The following DYM variants were observed in gnomAD, a reference collection of about 807,000 sequenced individuals.
The protein encoded by DYM is dymeclin, also known as dyggve-Melchior-Clausen syndrome protein.
In DYM, 78 loss-of-function variants were observed where a neutral mutation model predicts 93.1. The ratio of observed to expected loss-of-function variants is 0.84; its 90% CI spans 0.70 to 1.01. The LOEUF (loss-of-function observed/expected upper bound fraction) is 1.01, where lower values mean the gene tolerates loss of function less well. DYM is among the 50% of genes least tolerant of loss of function. The probability of loss-of-function intolerance (pLI) is 0.00; values close to 1 mark genes in which losing one functional copy is unlikely to be tolerated. For synonymous variants in DYM, 321 were observed against 319.7 expected (o/e 1.00, Z -0.04); for missense variants, 789 against 845.0 (o/e 0.93, Z 0.82).
chr18:49,410,866 G>C (rs1457484663), intron 2 of DYM, among the ~76,000 whole-genome samples: 1 of 152,034 alleles, frequency 6.6e-6, no homozygotes, highest in Non-Finnish European at 1.5e-5. Flanking sequence ...CAAGGGAGAG[G>C]GGATTTAGAA....
In DYM at chr18:49,452,703, C is replaced by T. The variant is rs1027139960; in HGVS notation, c.-54+7695G>A. Among the ~76,000 whole-genome samples, 18 of 78,612 alleles carry T rather than the reference C, an allele frequency of 2.3e-4. 5 individuals carry two copies. Among genetic ancestry groups the T allele is most frequent in the South Asian group, 8.5e-4 (2 of 2,358 alleles). 51.6% of individuals were successfully genotyped at this position (78,612 alleles called of 152,430 possible). A position where few individuals can be genotyped will look rare whatever the true frequency, so the allele number is the denominator to read the frequency against. On this transcript the variant is annotated intron_variant, in intron 1 of 17. Coordinates refer to ENST00000675505, the MANE Select transcript of DYM (RefSeq NM_001353214.3). ...ACGAGCGCCGCTCCCTGCTCCCCAGCGCCTGGTCCCATCAACCGCCCAAGG... is the reference window on the plus strand; with the variant it reads ...ACGAGCGCCGCTCCCTGCTCCCCAGTGCCTGGTCCCATCAACCGCCCAAGG...
At chr18:49,371,215 C>G (rs530975064) in intron 5 of DYM, among the ~76,000 whole-genome samples, 1 of 152,266 alleles carries the variant, frequency 6.6e-6, no homozygotes, top group African/African-American at 2.4e-5. Context: ...TAAGATCAAA[C>G]AAGGCTAAGT....
chr18:49,220,666 A>G (rs1455707589), intron 13 of DYM, among the ~76,000 whole-genome samples: 2 of 152,202 alleles, frequency 1.3e-5, no homozygotes, highest in Non-Finnish European at 2.9e-5. Context: ...AGGATTCCCT[A>G]TTTAATAAAT....
chr18:49,306,582 A>T (rs1220529787), intron 8 of DYM, among the ~76,000 whole-genome samples: 1 of 150,552 alleles, frequency 6.6e-6, no homozygotes, highest in Non-Finnish European at 1.5e-5. Context: ...GCATGTGATT[A>T]CACCTTTTCA....
At position 49,430,289 on chromosome 18, in the gene DYM, G is replaced by C. The variant is rs373302004; in HGVS notation, c.106C>G (p.Leu36Val). The C allele has an allele frequency of 2.0e-5, 32 of 1,613,874 alleles. No individual in the cohort carries two copies. The highest frequency in any genetic ancestry group is 2.7e-5 in the African/African-American group (2 of 74,878). The change falls in exon 2 of 18, where the codon CTT (leucine) becomes GTT (valine). Residue 36 changes from leucine to valine, a missense_variant. By Grantham distance (32) the Leu-to-Val change is conservative. This residue lies in a region of DYM where 450 missense variants were observed against 436.2 expected (regional missense o/e 1.03). Transcript: ENST00000675505. ...GGTGCAGGGAAAGAAAATGAGAGAA[G>C]CTGATTCCAGAACGGGTCATTCTCA... ...ISENDPFWNQ[L>V]LSFSFPAPTS... is the part of the protein sequence containing the mutation.
intron 15 of DYM, among the ~76,000 whole-genome samples, chr18:49,163,255 G>A (rs1198701585): frequency 6.6e-6 from 1 of 152,130 alleles, no homozygotes; most frequent in Non-Finnish European, 1.5e-5. Context: ...GCATATTAGA[G>A]GTTTCTTGGG....
intron 2 of DYM, among the ~76,000 whole-genome samples, chr18:49,419,150 C>A (rs1392034763): frequency 6.6e-6 from 1 of 152,026 alleles, no homozygotes; most frequent in African/African-American, 2.4e-5. Context: ...ATCAGGAGGT[C>A]AGGAGTTCAA....
intron 13 of DYM, among the ~76,000 whole-genome samples, chr18:49,255,778 A>T (rs2145105967): frequency 6.6e-6 from 1 of 152,242 alleles, no homozygotes; most frequent in South Asian, 2.1e-4. Context: ...CTACTTGGAC[A>T]ACACTGAACA....
chr18:49,291,214 T>C lies in DYM; in HGVS notation c.764-4598A>G, dbSNP rs115224057. On this transcript the variant is annotated intron_variant, in intron 8 of 17. Coordinates refer to ENST00000675505, the MANE Select transcript of DYM (RefSeq NM_001353214.3). Reference sequence around the variant, plus strand: ...GCTTCTGTAAATAAATTATAAGCAATGTATAACAAAACAAGCAACTGAAAC... The same window carrying C: ...GCTTCTGTAAATAAATTATAAGCAACGTATAACAAAACAAGCAACTGAAAC... Among the ~76,000 whole-genome samples the C allele has an allele frequency of 3.4e-3, 521 of 152,348 alleles. 3 individuals carry two copies. Among genetic ancestry groups the C allele is most frequent in the African/African-American group, 0.012 (483 of 41,564 alleles).
intron 2 of DYM, among the ~76,000 whole-genome samples, chr18:49,408,265 G>A (rs1419045089): frequency 3.3e-5 from 5 of 152,044 alleles, no homozygotes; most frequent in East Asian, 1.9e-4. Flanking sequence ...TGTTTTTAAC[G>A]GCTATATGTT....
At chr18:49,352,947 CAT>C (rs1387235610) in intron 6 of DYM, among the ~76,000 whole-genome samples, 1 of 152,088 alleles carries the variant, frequency 6.6e-6, no homozygotes, top group Non-Finnish European at 1.5e-5. Flanking sequence ...TACAAGTACA[CAT>C]ATTGCTTTCT....
At chr18:49,437,519 T>C (rs1445229544) in intron 1 of DYM, among the ~76,000 whole-genome samples, 4 of 152,244 alleles carry the variant, frequency 2.6e-5, no homozygotes, top group South Asian at 2.1e-4. Flanking sequence ...TTATATCTTA[T>C]ACTATCACTT....
At chr18:49,228,768 C>T (rs755427271) in intron 13 of DYM, among the ~76,000 whole-genome samples, 7 of 151,936 alleles carry the variant, frequency 4.6e-5, no homozygotes, top group South Asian at 2.1e-4. Flanking sequence ...GGGTGAGGTG[C>T]AATGAAAGAG....
At chr18:49,446,438 AAGAG>A (rs202218336) in intron 1 of DYM, among the ~76,000 whole-genome samples, 1 of 152,202 alleles carries the variant, frequency 6.6e-6, no homozygotes, top group African/African-American at 2.4e-5. Flanking sequence ...CAAAATAAAT[AAGAG>A]AGAATGAGCT....
chr18:49,296,864 C>T (rs936717244), intron 8 of DYM, among the ~76,000 whole-genome samples: 1 of 152,186 alleles, frequency 6.6e-6, no homozygotes, highest in African/African-American at 2.4e-5. Flanking sequence ...TGATCATCTG[C>T]ACCACTGTCT....
At chr18:49,207,060 A>G (rs1296857781) in intron 14 of DYM, among the ~76,000 whole-genome samples, 1 of 151,868 alleles carries the variant, frequency 6.6e-6, no homozygotes, top group Non-Finnish European at 1.5e-5. Context: ...GTTTTTCCCT[A>G]CTTTGTCTTC....
At chr18:49,255,413 T>G (rs1055587576) in intron 13 of DYM, among the ~76,000 whole-genome samples, 1 of 151,960 alleles carries the variant, frequency 6.6e-6, no homozygotes, top group African/African-American at 2.4e-5. Context: ...CAGTGGCTCA[T>G]GCCTGTAATC....
intron 2 of DYM, among the ~76,000 whole-genome samples, chr18:49,399,887 T>A (rs2070567577): frequency 6.6e-6 from 1 of 151,978 alleles, no homozygotes; most frequent in African/African-American, 2.4e-5. Context: ...CGCTCAAGTT[T>A]AAATTTCTGT....
At chr18:49,381,447 TAA>T (rs2068037847) in intron 3 of DYM, among the ~76,000 whole-genome samples, 1 of 152,220 alleles carries the variant, frequency 6.6e-6, no homozygotes, top group African/African-American at 2.4e-5. Flanking sequence ...CTAACTGTGA[TAA>T]AATGTCAAGC....
Sources: gnomAD v4.1 joint callset for allele counts (sites outside exome capture counted in the v4.1 genomes callset) on GRCh38, gnomAD v4.1.1 for gene constraint, gnomAD v4.1.1 regional missense constraint, MANE v1.5 for transcripts, NCBI Gene and HGNC (gene_info 2026-07-23, HGNC 2026-07-21) for gene names.